Variants in SMARCAL1 observed in about 807,000 individuals in gnomAD.
SMARCAL1 encodes the protein ATP-driven annealing helicase.
SMARCAL1 carries 58 observed loss-of-function variants against 94.5 expected under a neutral mutation model. The observed-to-expected ratio is 0.61, with a 90% CI of 0.50 to 0.76. SMARCAL1 has a LOEUF of 0.76. Among genes scored for constraint, SMARCAL1 ranks in the 30% least tolerant of loss-of-function variants. The pLI is 0.00. For missense variants in SMARCAL1, 1,051 were observed against 1,177.9 expected (o/e 0.89, Z 1.58); for synonymous variants, 422 against 455.1 (o/e 0.93, Z 0.93).
At position 216,435,380 on chromosome 2, in the gene SMARCAL1, A is replaced by G; in HGVS notation, c.1528A>G (p.Asn510Asp). Residue 510 changes from asparagine to aspartate, a missense_variant, in exon 9 of 18, where the codon AAC (asparagine) becomes GAC (aspartate). By Grantham distance (23) the Asn-to-Asp change is conservative. This residue lies in a region of SMARCAL1 where 642 missense variants were observed against 754.7 expected (regional missense o/e 0.85). Coordinates refer to ENST00000357276, the MANE Select transcript of SMARCAL1 (RefSeq NM_014140.4). ...WLPSLSPDCI[N>D]VVVTGKDRLT... ...GCCATCTCTGAGCCCAGATTGCATC[A>G]ACGTCGTGGTGACTGGGAAGGACCG... The G allele has an allele frequency of 6.2e-7, 1 of 1,614,154 alleles. No individual in the cohort carries two copies. The highest frequency in any genetic ancestry group is 8.5e-7 in the Non-Finnish European group (1 of 1,180,026).
intron 12 of SMARCAL1, among the ~76,000 whole-genome samples, chr2:216,456,132 A>G (rs1281395479): frequency 6.6e-6 from 1 of 151,876 alleles, no homozygotes; most frequent in African/African-American, 2.4e-5. Context: ...AAATGAAGCA[A>G]GAAGAGAAGT....
At chr2:216,467,470 C>CAAAAA (rs34678979) in intron 13 of SMARCAL1, among the ~76,000 whole-genome samples, 2 of 47,816 alleles carry the variant, frequency 4.2e-5, no homozygotes, top group Admixed American at 2.3e-4. Flanking sequence ...AACTCAGTCT[C>CAAAAA]AAAAAAAAAA....
intron 14 of SMARCAL1, among the ~76,000 whole-genome samples, chr2:216,473,294 C>CT (rs1255575831): frequency 1.9e-3 from 269 of 139,434 alleles, no homozygotes; most frequent in Admixed American, 2.4e-3. Context: ...TCAGGATGTA[C>CT]TTTTTTTTTT....
At chr2:216,478,685 C>T (rs1360036301) in intron 17 of SMARCAL1, among the ~76,000 whole-genome samples, 1 of 152,212 alleles carries the variant, frequency 6.6e-6, no homozygotes, top group Non-Finnish European at 1.5e-5. Context: ...AGGGTACTGG[C>T]TTCATAGAAT....
At chr2:216,423,170 C>G (rs1693761935) in intron 5 of SMARCAL1, among the ~76,000 whole-genome samples, 1 of 152,230 alleles carries the variant, frequency 6.6e-6, no homozygotes, top group South Asian at 2.1e-4. Flanking sequence ...AGTTTGACCA[C>G]TGACCACATG....
intron 10 of SMARCAL1, among the ~76,000 whole-genome samples, chr2:216,444,813 G>A (rs542003893): frequency 1.3e-5 from 2 of 152,206 alleles, no homozygotes; most frequent in Non-Finnish European, 2.9e-5. Flanking sequence ...CATCATGCCC[G>A]GTCAACTCTT....
chr2:216,416,495 T>C (rs1559121539), intron 4 of SMARCAL1, among the ~76,000 whole-genome samples, 188 bp downstream of exon 4: 1 of 152,194 alleles, frequency 6.6e-6, no homozygotes, highest in Non-Finnish European at 1.5e-5. Flanking sequence ...AGGCCGTTAG[T>C]AGTATTAACA....
At chr2:216,423,797 C>CT (rs1693775054) in intron 6 of SMARCAL1, 114 bp downstream of exon 6, 1 of 934,050 alleles carries the variant, frequency 1.1e-6, no homozygotes, top group Admixed American at 1.9e-5. Flanking sequence ...TGGTGGGATG[C>CT]TTGAGTACAG....
chr2:216,436,498 G>A (rs1444232291), intron 9 of SMARCAL1, among the ~76,000 whole-genome samples: 2 of 152,134 alleles, frequency 1.3e-5, no homozygotes, highest in Admixed American at 1.3e-4. Context: ...GACCTCAGGG[G>A]ATCTATTATT....
chr2:216,415,994 G>C (rs1036912360), intron 3 of SMARCAL1: 7 of 452,966 alleles, frequency 1.5e-5, no homozygotes, highest in Non-Finnish European at 2.9e-5. Flanking sequence ...TGGAGAACTT[G>C]GATTCTAGTC....
chr2:216,452,148 T>G (rs1002484134), intron 12 of SMARCAL1, among the ~76,000 whole-genome samples: 21 of 152,174 alleles, frequency 1.4e-4, no homozygotes, highest in Admixed American at 3.3e-4. Context: ...CATCATCTCT[T>G]TATTGTGGAG....
intron 13 of SMARCAL1, among the ~76,000 whole-genome samples, chr2:216,465,189 T>C (rs4324305): frequency 0.18 from 27,031 of 152,138 alleles, 2,803 homozygotes; most frequent in African/African-American, 0.28. Flanking sequence ...GGCACCCTGC[T>C]GTTAATTACA....
At chr2:216,443,801 A>G (rs1223651610) in intron 10 of SMARCAL1, among the ~76,000 whole-genome samples, 1 of 152,242 alleles carries the variant, frequency 6.6e-6, no homozygotes, top group Non-Finnish European at 1.5e-5. Flanking sequence ...AGCAGTGGCC[A>G]TAATTATGCT....
At chr2:216,450,744 C>A in intron 11 of SMARCAL1, 102 bp from the exon 12 acceptor site, 2 of 857,096 alleles carry the variant, frequency 2.3e-6, no homozygotes, top group Non-Finnish European at 4.0e-6. Context: ...TGAGCTAAGC[C>A]AGGGGTGGTT....
Position 216,480,533 on chromosome 2 carries a change from T to C in SMARCAL1, c.2626-2205T>C, listed in dbSNP as rs1273904678. ...ATTCAGAAAGAGGCTGATGAGGGCATCCTGGAGGAGGACATGTGGGTTATT... is the reference window on the plus strand; with the variant it reads ...ATTCAGAAAGAGGCTGATGAGGGCACCCTGGAGGAGGACATGTGGGTTATT... On this transcript the variant is annotated intron_variant, in intron 17 of 17. Coordinates refer to ENST00000357276, the MANE Select transcript of SMARCAL1 (RefSeq NM_014140.4). 9.9e-5 allele frequency among the ~76,000 whole-genome samples: 15 copies of C among 152,076 alleles called. No homozygotes were observed. In the South Asian group the frequency reaches 1.2e-3, roughly 13 times the overall value.
chr2:216,452,932 G>A (rs80080429), intron 12 of SMARCAL1, among the ~76,000 whole-genome samples: 1,845 of 152,170 alleles, frequency 0.012, 39 homozygotes, highest in African/African-American at 0.042. Flanking sequence ...AGGAATGTTG[G>A]GTGTTTTATA....
chr2:216,419,829 A>T (rs1160906896), intron 4 of SMARCAL1, among the ~76,000 whole-genome samples: 1 of 152,004 alleles, frequency 6.6e-6, no homozygotes, highest in East Asian at 1.9e-4. Flanking sequence ...TAGGGATTTG[A>T]TACCAGCCTG....
chr2:216,439,553 G>A (rs1220181085), intron 10 of SMARCAL1, among the ~76,000 whole-genome samples: 1 of 152,156 alleles, frequency 6.6e-6, no homozygotes, highest in Non-Finnish European at 1.5e-5. Flanking sequence ...TTGATTAAAA[G>A]AAGCTTTAAC....
chr2:216,477,342 T>C (rs1695107915), intron 16 of SMARCAL1, 133 bp downstream of exon 16: 1 of 735,948 alleles, frequency 1.4e-6, no homozygotes, highest in Non-Finnish European at 2.4e-6. Context: ...AATTGACTAG[T>C]GATGCCCTCC....
Sources: gnomAD v4.1 joint callset for allele counts (sites outside exome capture counted in the v4.1 genomes callset) on GRCh38, gnomAD v4.1.1 for gene constraint, gnomAD v4.1.1 regional missense constraint, MANE v1.5 for transcripts, NCBI Gene and HGNC (gene_info 2026-07-23, HGNC 2026-07-21) for gene names.